The following XPR1 variants were observed in gnomAD, a reference collection of about 807,000 sequenced individuals.
XPR1 encodes the protein xenotropic and polytropic retrovirus receptor 1, also known as solute carrier family 53 member 1.
Under a neutral mutation model 87.5 loss-of-function variants are expected in XPR1, and 28 were observed. The observed-to-expected ratio is 0.32, with a 90% CI of 0.24 to 0.44. The LOEUF is 0.44. XPR1 is among the 20% of genes least tolerant of loss of function. The pLI is 1.00. For synonymous variants in XPR1, 300 were observed against 306.1 expected (o/e 0.98, Z 0.21); for missense variants, 559 against 862.3 (o/e 0.65, Z 4.41).
intron 2 of XPR1, among the ~76,000 whole-genome samples, chr1:180,769,069 GT>G (rs151266690): frequency 0.024 from 3,667 of 150,886 alleles, 149 homozygotes; most frequent in African/African-American, 0.083. Context: ...ATCTATATCT[GT>G]TTTTTTTTAA....
chr1:180,729,537 C>G (rs1367013764), intron 2 of XPR1, among the ~76,000 whole-genome samples: 1 of 152,124 alleles, frequency 6.6e-6, no homozygotes, highest in Non-Finnish European at 1.5e-5. Flanking sequence ...TATGTGTTCC[C>G]TTTTGTCCTC....
chr1:180,670,496 T>G (rs1218174208), intron 1 of XPR1, among the ~76,000 whole-genome samples: 1 of 152,206 alleles, frequency 6.6e-6, no homozygotes, highest in Non-Finnish European at 1.5e-5. Context: ...ACTGCTTCTT[T>G]ACAACTCCAT....
chr1:180,827,478 G>C (rs1650892921), intron 9 of XPR1, among the ~76,000 whole-genome samples: 1 of 152,182 alleles, frequency 6.6e-6, no homozygotes, highest in Non-Finnish European at 1.5e-5. Flanking sequence ...TTAGCAGAAT[G>C]ATTGCCCATT....
chr1:180,658,844 C>T (rs1655631597), intron 1 of XPR1, among the ~76,000 whole-genome samples: 1 of 151,924 alleles, frequency 6.6e-6, no homozygotes, highest in Non-Finnish European at 1.5e-5. Flanking sequence ...GCTGGGATTA[C>T]AGGAGTGAGC....
At chr1:180,642,528 T>TA (rs1654992448) in intron 1 of XPR1, among the ~76,000 whole-genome samples, 1 of 152,076 alleles carries the variant, frequency 6.6e-6, no homozygotes, top group Non-Finnish European at 1.5e-5. Flanking sequence ...CCTTCTAAGG[T>TA]AGGTTTTGTT....
intron 14 of XPR1, among the ~76,000 whole-genome samples, chr1:180,882,116 C>T (rs1248601714): frequency 6.6e-6 from 1 of 152,274 alleles, no homozygotes; most frequent in East Asian, 1.9e-4. Context: ...AGAGGGCAAT[C>T]TAAACATATA....
At chr1:180,659,839 T>C (rs1655704448) in intron 1 of XPR1, among the ~76,000 whole-genome samples, 1 of 151,734 alleles carries the variant, frequency 6.6e-6, no homozygotes, top group African/African-American at 2.4e-5. Context: ...TTTGATGGGG[T>C]CTTTTTCTGG....
chr1:180,842,727 T>G (rs1420810969), intron 11 of XPR1, among the ~76,000 whole-genome samples: 1 of 152,180 alleles, frequency 6.6e-6, no homozygotes, highest in Admixed American at 6.5e-5. Flanking sequence ...AAAAGGCCAT[T>G]ATGTTGTTCT....
rs1656525662 is a variant in XPR1 at position 180,680,310 on chromosome 1, A to G, written c.70-2050A>G. On this transcript the variant is annotated intron_variant, in intron 1 of 14. Transcript: ENST00000367590. ...GGTGGGAATGTAAACTAGTACAGCT[A>G]CTATGGAGAACAGTATGGAGATTCC... 2.6e-5 allele frequency among the ~76,000 whole-genome samples: 4 copies of G among 151,358 alleles called. No homozygotes were observed. In the South Asian group the frequency reaches 6.3e-4, roughly 24 times the overall value.
intron 2 of XPR1, among the ~76,000 whole-genome samples, chr1:180,782,211 T>A (rs1411462656): frequency 6.6e-6 from 1 of 152,014 alleles, no homozygotes; most frequent in Non-Finnish European, 1.5e-5. Flanking sequence ...TGATATATCT[T>A]TCTAAGATTT....
At chr1:180,826,251 T>G (rs1650831144) in intron 9 of XPR1, among the ~76,000 whole-genome samples, 1 of 152,118 alleles carries the variant, frequency 6.6e-6, no homozygotes, top group South Asian at 2.1e-4. Flanking sequence ...GAGCCAGCTC[T>G]TTTTGAAAAT....
At position 180,863,815 on chromosome 1, in the gene XPR1, T is replaced by C. The variant is rs1413914070; in HGVS notation, c.1609T>C (p.Phe537Leu). Reference sequence around the variant, plus strand: ...GGATCTCAAGATGGACTGGGGTCTCTTCGATAAGAATGCTGGAGAGAACAC... The same window carrying C: ...GGATCTCAAGATGGACTGGGGTCTCCTCGATAAGAATGCTGGAGAGAACAC... ...IWDLKMDWGL[F>L]DKNAGENTFL... Residue 537 changes from phenylalanine to leucine, a missense_variant, in exon 12 of 15, where the codon TTC becomes CTC. Physicochemically the swap from Phe to Leu is conservative, Grantham distance 22. Transcript: ENST00000367590. The C allele has an allele frequency of 1.2e-6, 2 of 1,612,236 alleles. No homozygotes were observed. The highest frequency in any genetic ancestry group is 1.3e-5 in the African/African-American group (1 of 74,840).
intron 2 of XPR1, among the ~76,000 whole-genome samples, chr1:180,772,868 C>A (rs1188187827): frequency 2.6e-5 from 4 of 152,160 alleles, no homozygotes; most frequent in Non-Finnish European, 2.9e-5. Context: ...TTATCAGCAT[C>A]ATGAAAACTG....
intron 2 of XPR1, among the ~76,000 whole-genome samples, chr1:180,768,140 G>A (rs940544616): frequency 2.6e-5 from 4 of 151,974 alleles, no homozygotes; most frequent in South Asian, 2.1e-4. Flanking sequence ...CACCGTGCCC[G>A]GCCCACAAGA....
intron 6 of XPR1, among the ~76,000 whole-genome samples, chr1:180,809,831 A>G (rs992790346): frequency 2.0e-5 from 3 of 152,214 alleles, no homozygotes; most frequent in Admixed American, 2.0e-4. Flanking sequence ...ATGATAAATT[A>G]AACAATTTTT....
At chr1:180,711,814 C>T (rs939472698) in intron 2 of XPR1, among the ~76,000 whole-genome samples, 12 of 152,172 alleles carry the variant, frequency 7.9e-5, no homozygotes, top group Non-Finnish European at 4.4e-5. Flanking sequence ...CCTCTGTTTG[C>T]ATCTAAAAGC....
At chr1:180,669,104 A>T (rs1656066164) in intron 1 of XPR1, among the ~76,000 whole-genome samples, 1 of 152,018 alleles carries the variant, frequency 6.6e-6, no homozygotes. Flanking sequence ...AAAAAAAAAA[A>T]AAAATCTATT....
intron 2 of XPR1, among the ~76,000 whole-genome samples, chr1:180,771,944 C>T (rs1293993114): frequency 6.6e-6 from 1 of 152,132 alleles, no homozygotes; most frequent in African/African-American, 2.4e-5. Context: ...AACTTTGACC[C>T]ATTGATTTCT....
intron 2 of XPR1, among the ~76,000 whole-genome samples, chr1:180,770,023 CT>C (rs1016957492): frequency 2.0e-5 from 3 of 152,086 alleles, no homozygotes; most frequent in African/African-American, 7.2e-5. Flanking sequence ...TGGTTTTGAG[CT>C]TATTACTGTG....
Sources: allele counts gnomAD v4.1 joint callset (sites outside exome capture counted in the v4.1 genomes callset), GRCh38; gene constraint gnomAD v4.1.1; transcripts MANE v1.5; gene names NCBI Gene and HGNC (gene_info 2026-07-23, HGNC 2026-07-21).